The following PRKG1 variants were observed in gnomAD, a reference collection of about 807,000 sequenced individuals.
The protein encoded by PRKG1 is protein kinase cGMP-dependent 1, also known as cGMP-dependent protein kinase 1.
PRKG1 carries 35 observed loss-of-function variants against 88.1 expected under a neutral mutation model. The ratio of observed to expected loss-of-function variants is 0.40; its 90% CI spans 0.30 to 0.53. PRKG1 has a LOEUF of 0.53. Among genes scored for constraint, PRKG1 ranks in the 20% least tolerant of loss-of-function variants. The probability of loss-of-function intolerance (pLI) is 0.59; values close to 1 mark genes in which losing one functional copy is unlikely to be tolerated. For synonymous variants in PRKG1, 303 were observed against 292.5 expected, an observed-to-expected ratio of 1.04 and a Z score of -0.37; for missense variants, 540 against 839.8, an observed-to-expected ratio of 0.64 and a Z score of 4.41.
intron 1 of PRKG1, among the ~76,000 whole-genome samples, chr10:51,143,314 A>T (rs1845866853): frequency 6.6e-6 from 1 of 152,044 alleles, no homozygotes; most frequent in South Asian, 2.1e-4. Flanking sequence ...GCAGAAATTA[A>T]TTATTTTTTA....
chr10:51,228,375 A>G (rs1838748600), intron 2 of PRKG1, among the ~76,000 whole-genome samples: 1 of 152,074 alleles, frequency 6.6e-6, no homozygotes, highest in African/African-American at 2.4e-5. Flanking sequence ...TCTTCCTGAA[A>G]TTTGCTTCCC....
intron 3 of PRKG1, among the ~76,000 whole-genome samples, chr10:51,604,504 A>G (rs1405108877): frequency 6.6e-6 from 1 of 152,198 alleles, no homozygotes; most frequent in Non-Finnish European, 1.5e-5. Flanking sequence ...TATCTGATTC[A>G]CAACCACATC....
At chr10:51,663,097 C>T (rs1170227655) in intron 3 of PRKG1, among the ~76,000 whole-genome samples, 1 of 151,750 alleles carries the variant, frequency 6.6e-6, no homozygotes, top group Non-Finnish European at 1.5e-5. Context: ...GAAACTGTAA[C>T]GGTGTCCAGT....
intron 1 of PRKG1, among the ~76,000 whole-genome samples, chr10:51,053,315 A>G (rs968097194): frequency 1.3e-5 from 2 of 152,120 alleles, no homozygotes; most frequent in South Asian, 4.1e-4. Context: ...CTGTTCCCAT[A>G]TAATAGTAGA....
intron 1 of PRKG1, among the ~76,000 whole-genome samples, chr10:50,997,789 G>T (rs1175073728): frequency 6.6e-6 from 1 of 152,120 alleles, no homozygotes; most frequent in Non-Finnish European, 1.5e-5. Flanking sequence ...AGAGTCATTG[G>T]TGTGCTGTGC....
chr10:51,888,583 T>C (rs1409757639), intron 4 of PRKG1, among the ~76,000 whole-genome samples: 1 of 152,198 alleles, frequency 6.6e-6, no homozygotes, highest in East Asian at 1.9e-4. Flanking sequence ...GGCCTCTCCC[T>C]AGAGCAAAGG....
At chr10:51,242,507 C>A (rs1227060872) in intron 2 of PRKG1, among the ~76,000 whole-genome samples, 1 of 152,156 alleles carries the variant, frequency 6.6e-6, no homozygotes, top group African/African-American at 2.4e-5. Flanking sequence ...AGTTATTGTG[C>A]ATCTGTAATA....
At chr10:51,938,021 A>C (rs1842831774) in intron 5 of PRKG1, among the ~76,000 whole-genome samples, 1 of 151,896 alleles carries the variant, frequency 6.6e-6, no homozygotes, top group African/African-American at 2.4e-5. Flanking sequence ...CCAACCATCA[A>C]CATTGTCTTG....
chr10:52,211,896 G>T (rs556216864), intron 9 of PRKG1, among the ~76,000 whole-genome samples: 278 of 151,972 alleles, frequency 1.8e-3, no homozygotes, highest in African/African-American at 6.5e-3. Context: ...TGTATGAAAA[G>T]ATTTCTATAA....
chr10:51,863,425 C>T (rs893440664), intron 4 of PRKG1, among the ~76,000 whole-genome samples: 2 of 152,098 alleles, frequency 1.3e-5, no homozygotes, highest in Middle Eastern at 3.2e-3. Context: ...TTTATTTTAA[C>T]CCACTTTTCA....
At chr10:51,475,964 A>G (rs536974578) in intron 3 of PRKG1, among the ~76,000 whole-genome samples, 26 of 152,172 alleles carry the variant, frequency 1.7e-4, no homozygotes, top group Non-Finnish European at 3.4e-4. Context: ...AACTGAGTTG[A>G]TAATGTCTTC....
intron 2 of PRKG1, among the ~76,000 whole-genome samples, chr10:51,407,062 G>A (rs771164682): frequency 7.2e-5 from 11 of 152,056 alleles, no homozygotes; most frequent in Non-Finnish European, 1.5e-4. Context: ...CTTTATATTC[G>A]CTGGCAGCTG....
intron 3 of PRKG1, among the ~76,000 whole-genome samples, chr10:51,767,811 G>A (rs1464910583): frequency 6.6e-6 from 1 of 151,746 alleles, no homozygotes; most frequent in Non-Finnish European, 1.5e-5. Flanking sequence ...TTATTTTTTT[G>A]GTGGCAGCAG....
intron 3 of PRKG1, among the ~76,000 whole-genome samples, chr10:51,501,889 A>G (rs771656560): frequency 2.1e-4 from 32 of 149,784 alleles, no homozygotes; most frequent in Non-Finnish European, 4.4e-4. Context: ...TTTACTGTAC[A>G]GCAAAACTGC....
chr10:51,202,460 A>G (rs1837936552), intron 2 of PRKG1, among the ~76,000 whole-genome samples: 1 of 152,144 alleles, frequency 6.6e-6, no homozygotes, highest in Non-Finnish European at 1.5e-5. Flanking sequence ...TTCTCCTGAG[A>G]ACACTGCTTC....
At chr10:52,078,509 C>T (rs374562917) in intron 7 of PRKG1, among the ~76,000 whole-genome samples, 3 of 152,186 alleles carry the variant, frequency 2.0e-5, no homozygotes, top group South Asian at 2.1e-4. Flanking sequence ...CTATTCCATA[C>T]ACTACCATGA....
intron 4 of PRKG1, among the ~76,000 whole-genome samples, chr10:51,806,230 A>G (rs930562507): frequency 6.6e-6 from 1 of 152,234 alleles, no homozygotes; most frequent in Non-Finnish European, 1.5e-5. Flanking sequence ...TTCATCTCAC[A>G]TACCTAAGCG....
chr10:52,135,268 A>G (rs974669757), intron 8 of PRKG1, among the ~76,000 whole-genome samples: 1 of 152,114 alleles, frequency 6.6e-6, no homozygotes, highest in Admixed American at 6.6e-5. Flanking sequence ...TACTCATAGG[A>G]AAGCTATCAG....
chr10:52,049,592 G>T (rs1845939643), intron 5 of PRKG1, among the ~76,000 whole-genome samples: 1 of 152,112 alleles, frequency 6.6e-6, no homozygotes, highest in Non-Finnish European at 1.5e-5. Context: ...GGATGGTTTG[G>T]GGTATGATGA....
Sources: allele counts gnomAD v4.1 joint callset (sites outside exome capture counted in the v4.1 genomes callset), GRCh38; gene constraint gnomAD v4.1.1; transcripts MANE v1.5; gene names NCBI Gene and HGNC (gene_info 2026-07-23, HGNC 2026-07-21).